Variants in TBC1D19 observed in about 807,000 individuals in gnomAD.
The protein encoded by TBC1D19 is TBC1 domain family, member 19.
TBC1D19 carries 60 observed loss-of-function variants against 89.0 expected under a neutral mutation model. That is an observed-to-expected ratio of 0.67 (90% CI 0.55 to 0.84). The LOEUF is 0.84. Among genes scored for constraint, TBC1D19 ranks in the 40% least tolerant of loss-of-function variants. The pLI is 0.00. For missense variants in TBC1D19, 500 were observed against 610.8 expected, an observed-to-expected ratio of 0.82 and a Z score of 1.91; for synonymous variants, 189 against 199.7, an observed-to-expected ratio of 0.95 and a Z score of 0.45.
At chr4:26,602,868 ATC>A (rs1740729966) in intron 1 of TBC1D19, among the ~76,000 whole-genome samples, 1 of 152,240 alleles carries the variant, frequency 6.6e-6, no homozygotes, top group Non-Finnish European at 1.5e-5. Flanking sequence ...TTGAATACAC[ATC>A]TTTTTAATAT....
At position 26,742,613 on chromosome 4, in the gene TBC1D19, T is replaced by C. The variant is rs776834133; in HGVS notation, c.1319+14T>C. Reference sequence around the variant, plus strand: ...TGGGGCTCAACCGTGAGTACTTTTCTCTCCTAATTGAAGAATAGATAGTTT... The same window carrying C: ...TGGGGCTCAACCGTGAGTACTTTTCCCTCCTAATTGAAGAATAGATAGTTT... On this transcript the variant is annotated intron_variant, in intron 18 of 20. Coordinates refer to ENST00000264866, the MANE Select transcript of TBC1D19 (RefSeq NM_018317.4). The C allele has an allele frequency of 7.5e-6, 12 of 1,601,140 alleles. No individual in the cohort carries two copies. In the Admixed American group the frequency reaches 1.3e-4, roughly 18 times the overall value.
intron 1 of TBC1D19, among the ~76,000 whole-genome samples, chr4:26,589,836 C>T (rs1739651690): frequency 1.3e-5 from 2 of 152,296 alleles, no homozygotes; most frequent in Middle Eastern, 3.4e-3. Context: ...TAGTCCTTTG[C>T]TTCAGATGAG....
the TBC1D19 span, among the ~76,000 whole-genome samples, chr4:26,852,277 G>T: frequency 4.6e-5 from 7 of 152,210 alleles, no homozygotes; most frequent in African/African-American, 1.7e-4. Context: ...GTTGAGGCTG[G>T]GTGTGGTGGC....
At chr4:26,660,284 A>T (rs920951427) in intron 8 of TBC1D19, among the ~76,000 whole-genome samples, 2 of 152,158 alleles carry the variant, frequency 1.3e-5, no homozygotes, top group Non-Finnish European at 2.9e-5. Flanking sequence ...TAGAAATATA[A>T]ATACTGTCTT....
Position 26,683,768 on chromosome 4 carries a change from A to G in TBC1D19, c.891+19A>G, listed in dbSNP as rs1713563274. The stretch of plus-strand genomic sequence containing the variant: ...CTATAAAGTAAGTAAAAGTCAGCTT[A>G]GTTTTTCCTTTTCATTAATATAATT... On this transcript the variant is annotated intron_variant, in intron 12 of 20. Transcript: ENST00000264866. 2 of 1,593,136 alleles carry G rather than the reference A, an allele frequency of 1.3e-6. No individual in the cohort carries two copies. The highest frequency in any genetic ancestry group is 2.7e-5 in the African/African-American group (2 of 73,806).
intron 13 of TBC1D19, among the ~76,000 whole-genome samples, chr4:26,690,952 G>T (rs1419463663): frequency 1.3e-5 from 2 of 152,156 alleles, no homozygotes; most frequent in Non-Finnish European, 2.9e-5. Flanking sequence ...TAAATTGAAA[G>T]CTTCTGGAAA....
chr4:26,659,668 A>C lies in TBC1D19; in HGVS notation c.552A>C (p.Leu184Phe). The change falls in exon 8 of 21, where the codon TTA becomes TTC. Residue 184 changes from leucine to phenylalanine, a missense_variant. Leu to Phe is a conservative substitution (Grantham distance 22, BLOSUM62 0). Coordinates refer to ENST00000264866, the MANE Select transcript of TBC1D19 (RefSeq NM_018317.4). ...DSLSFRTHLG[L>F]IQVPLKVKDI... is the part of the protein sequence containing the mutation. Reference sequence around the variant, plus strand: ...TTAGTTTCAGGACTCATTTGGGTTTAATTCAAGTTCCACTGAAAGTAAAAG... The same window carrying C: ...TTAGTTTCAGGACTCATTTGGGTTTCATTCAAGTTCCACTGAAAGTAAAAG... 1 of 1,593,234 alleles carries C rather than the reference A, an allele frequency of 6.3e-7. No individual in the cohort carries two copies. Among genetic ancestry groups the C allele is most frequent in the Non-Finnish European group, 8.6e-7 (1 of 1,165,212 alleles).
At chr4:26,733,377 A>C (rs1408286278) in intron 15 of TBC1D19, among the ~76,000 whole-genome samples, 1 of 152,196 alleles carries the variant, frequency 6.6e-6, no homozygotes, top group Non-Finnish European at 1.5e-5. Flanking sequence ...ATCTCATTTA[A>C]TCATATTATG....
At chr4:26,752,072 C>T (rs575198246) in intron 19 of TBC1D19, among the ~76,000 whole-genome samples, 28 of 152,106 alleles carry the variant, frequency 1.8e-4, no homozygotes, top group African/African-American at 5.8e-4. Context: ...ACTTACTATG[C>T]CTCACTCTCT....
At position 26,696,784 on chromosome 4, in the gene TBC1D19, G is replaced by C. The variant is rs1012248291; in HGVS notation, c.954+8377G>C. On this transcript the variant is annotated intron_variant, in intron 13 of 20. Transcript: ENST00000264866. The stretch of plus-strand genomic sequence containing the variant: ...CTGGGTACATAACGAAATGAAGGCA[G>C]AAATAAAGATGTTCTTTGAAACCAA... Among the ~76,000 whole-genome samples, 214 of 152,280 alleles carry C rather than the reference G, an allele frequency of 1.4e-3. 3 individuals carry two copies. Among genetic ancestry groups the C allele is most frequent in the African/African-American group, 4.9e-3 (205 of 41,554 alleles).
chr4:26,833,805 C>T, the TBC1D19 span, among the ~76,000 whole-genome samples: 1 of 152,186 alleles, frequency 6.6e-6, no homozygotes, highest in Non-Finnish European at 1.5e-5. Flanking sequence ...TGATGACTGC[C>T]TTGTGCTAGG....
intron 15 of TBC1D19, among the ~76,000 whole-genome samples, chr4:26,735,015 T>TATATATGTATACACATATGTATATGC (rs1717925477): frequency 7.2e-6 from 1 of 139,110 alleles, no homozygotes; most frequent in Non-Finnish European, 1.6e-5. Flanking sequence ...TATGTATATG[T>TATATATGTATACACATATGTATATGC]GTATACACAT....
At chr4:26,706,201 T>G (rs941189519) in intron 13 of TBC1D19, among the ~76,000 whole-genome samples, 33 of 152,268 alleles carry the variant, frequency 2.2e-4, no homozygotes, top group Middle Eastern at 3.4e-3. Flanking sequence ...TTGATGAATA[T>G]TTTTACTAGT....
chr4:26,673,826 A>G lies in TBC1D19; in HGVS notation c.754A>G (p.Ser252Gly), dbSNP rs372797439. ...TGCTCAACAGTACATCAGACAAGGAAGTCCCACGGCACTGAGAGCTGAATT... is the reference window on the plus strand; with the variant it reads ...TGCTCAACAGTACATCAGACAAGGAGGTCCCACGGCACTGAGAGCTGAATT... ...AAAQQYIRQGSPTALRAELWA... is the reference protein window; with the variant it reads ...AAAQQYIRQGGPTALRAELWA... The change falls in exon 11 of 21, where the codon AGT (serine) becomes GGT (glycine). Residue 252 changes from serine to glycine, a missense_variant. Physicochemically the swap from Ser to Gly is moderately conservative, Grantham distance 56. This residue lies in a region of TBC1D19 where 280 missense variants were observed against 291.7 expected (regional missense o/e 0.96). Coordinates refer to ENST00000264866, the MANE Select transcript of TBC1D19 (RefSeq NM_018317.4). 8.9e-5 allele frequency: 143 copies of G among 1,611,346 alleles called. No individual in the cohort carries two copies. The highest frequency in any genetic ancestry group is 1.2e-4 in the Non-Finnish European group (136 of 1,178,278).
At chr4:26,846,518 A>T in the TBC1D19 span, among the ~76,000 whole-genome samples, 50 of 152,262 alleles carry the variant, frequency 3.3e-4, no homozygotes, top group African/African-American at 1.2e-3. Flanking sequence ...AATGGATTGC[A>T]CATATTTTTA....
At position 26,755,121 on chromosome 4, in the gene TBC1D19, C is replaced by T; in HGVS notation, c.*174C>T. On this transcript the variant is annotated 3_prime_UTR_variant, in exon 21 of 21. Coordinates refer to ENST00000264866, the MANE Select transcript of TBC1D19 (RefSeq NM_018317.4). ...ACTTTTTGAAACAATAACTCTGCACCAAATATTGCATCGCATGCTGCTGAT... is the reference window on the plus strand; with the variant it reads ...ACTTTTTGAAACAATAACTCTGCACTAAATATTGCATCGCATGCTGCTGAT... 2.5e-6 allele frequency: 1 copy of T among 402,974 alleles called. No individual in the cohort carries two copies. Among genetic ancestry groups the T allele is most frequent in the Non-Finnish European group, 4.3e-6 (1 of 232,300 alleles). The allele number at this position is 402,974 out of a possible 1,614,324, so 25.0% of individuals were successfully genotyped here.
intron 12 of TBC1D19, 144 bp from the exon 13 acceptor site, chr4:26,688,201 A>G (rs1713983774): frequency 3.3e-6 from 4 of 1,228,518 alleles, no homozygotes; most frequent in Non-Finnish European, 4.2e-6. Flanking sequence ...GTAAATACAT[A>G]GCAATGATAA....
At chr4:26,609,155 A>T (rs994307973) in intron 1 of TBC1D19, among the ~76,000 whole-genome samples, 1 of 151,334 alleles carries the variant, frequency 6.6e-6, no homozygotes, top group Non-Finnish European at 1.5e-5. Context: ...ACATGTATAC[A>T]TATGTAACAA....
chr4:26,835,509 C>T, the TBC1D19 span, among the ~76,000 whole-genome samples: 1 of 152,218 alleles, frequency 6.6e-6, no homozygotes, highest in Non-Finnish European at 1.5e-5. Context: ...TCGATCTCAG[C>T]AGTGTCACTT....
Sources: gnomAD v4.1 joint callset for allele counts (sites outside exome capture counted in the v4.1 genomes callset) on GRCh38, gnomAD v4.1.1 for gene constraint, gnomAD v4.1.1 regional missense constraint, MANE v1.5 for transcripts, NCBI Gene and HGNC (gene_info 2026-07-23, HGNC 2026-07-21) for gene names.